Variants in TTC17 observed in about 807,000 individuals in gnomAD.
TTC17 encodes tetratricopeptide repeat protein 17.
Under a neutral mutation model 143.8 loss-of-function variants are expected in TTC17, and 58 were observed. That is an observed-to-expected ratio of 0.40 (90% CI 0.33 to 0.50). TTC17 has a LOEUF of 0.50. TTC17 is among the 20% of genes least tolerant of loss of function. The pLI is 0.49. For synonymous variants in TTC17, 501 were observed against 497.8 expected (o/e 1.01, Z -0.09); for missense variants, 1,273 against 1,392.5 (o/e 0.91, Z 1.37).
At chr11:43,415,625 A>G (rs1158004004) in intron 16 of TTC17, among the ~76,000 whole-genome samples, 2 of 152,178 alleles carry the variant, frequency 1.3e-5, no homozygotes, top group African/African-American at 2.4e-5. Context: ...AAATCCTGAC[A>G]TCCACTTATT....
At chr11:43,489,284 T>C (rs779042114) in intron 21 of TTC17, among the ~76,000 whole-genome samples, 2 of 152,090 alleles carry the variant, frequency 1.3e-5, no homozygotes, top group Non-Finnish European at 2.9e-5. Context: ...GGCTAACAAA[T>C]ATGGAAGAAT....
At chr11:43,372,482 T>TTTTATTTATTTATTTATTTA (rs368350167) in intron 1 of TTC17, among the ~76,000 whole-genome samples, 142 of 145,938 alleles carry the variant, frequency 9.7e-4, no homozygotes, top group African/African-American at 3.2e-3. Flanking sequence ...TATTTTTATT[T>TTTTATTTATTTATTTATTTA]TTTATTTATT....
intron 21 of TTC17, among the ~76,000 whole-genome samples, chr11:43,472,815 G>A (rs943560618): frequency 6.1e-5 from 9 of 148,226 alleles, no homozygotes; most frequent in Non-Finnish European, 1.3e-4. Context: ...TTTACAGTAT[G>A]TGTTCTCACC....
At chr11:43,462,918 A>ATTTTTTTTTTT (rs1369564202) in intron 21 of TTC17, among the ~76,000 whole-genome samples, 2 of 95,314 alleles carry the variant, frequency 2.1e-5, no homozygotes. Flanking sequence ...CAGTGACAAA[A>ATTTTTTTTTTT]TTCTTTTTTT....
chr11:43,424,050 A>C (rs1946966990), intron 16 of TTC17, among the ~76,000 whole-genome samples: 1 of 151,988 alleles, frequency 6.6e-6, no homozygotes, highest in Non-Finnish European at 1.5e-5. Flanking sequence ...ATAACTTTAA[A>C]GCAAATAGGA....
intron 7 of TTC17, 122 bp from the exon 8 acceptor site, chr11:43,397,852 T>G (rs994004483): frequency 1.9e-5 from 26 of 1,355,284 alleles, no homozygotes; most frequent in Middle Eastern, 2.5e-4. Flanking sequence ...CATAAATCAT[T>G]AGAGGATTTG....
chr11:43,404,263 C>T (rs960396114), intron 11 of TTC17, 119 bp downstream of exon 11: 49 of 895,204 alleles, frequency 5.5e-5, no homozygotes, highest in East Asian at 8.4e-5. Flanking sequence ...GTTCAGCAAA[C>T]GTGTAGTACA....
intron 18 of TTC17, among the ~76,000 whole-genome samples, chr11:43,444,722 T>TAC (rs10638143): frequency 0.37 from 53,683 of 143,392 alleles, 10,441 homozygotes; most frequent in East Asian, 0.71. Context: ...ACCAAATACA[T>TAC]ACACACACAC....
chr11:43,435,072 TAA>T (rs1947255285), intron 16 of TTC17: 1 of 145,732 alleles, frequency 6.9e-6, no homozygotes, highest in African/African-American at 2.5e-5. Flanking sequence ...TACACACAGA[TAA>T]GATGATAGAT....
At chr11:43,359,498 A>G (rs1856008060) in intron 1 of TTC17, among the ~76,000 whole-genome samples, 1 of 152,184 alleles carries the variant, frequency 6.6e-6, no homozygotes, top group Non-Finnish European at 1.5e-5. Context: ...CCGAGGAAAT[A>G]GAAAGCAGGT....
chr11:43,447,783 TCTTA>T, intron 18 of TTC17: 2 of 490,918 alleles, frequency 4.1e-6, no homozygotes, highest in East Asian at 3.4e-5. Context: ...ACTCATTTAT[TCTTA>T]CTTCTCCACC....
At chr11:43,440,688 A>G (rs1947397298) in intron 16 of TTC17, among the ~76,000 whole-genome samples, 2 of 152,164 alleles carry the variant, frequency 1.3e-5, no homozygotes, top group South Asian at 4.1e-4. Flanking sequence ...AAACTGATTT[A>G]CTACTCTAAG....
intron 21 of TTC17, among the ~76,000 whole-genome samples, chr11:43,452,507 TAATGAATG>T (rs559203246): frequency 2.0e-4 from 30 of 148,840 alleles, no homozygotes; most frequent in Non-Finnish European, 4.0e-4. Context: ...TCTCAATAAA[TAATGAATG>T]AATGAATGAA....
At chr11:43,403,940 A>G in intron 10 of TTC17, 58 bp from the exon 11 acceptor site, 1 of 1,457,736 alleles carries the variant, frequency 6.9e-7, no homozygotes, top group South Asian at 1.4e-5. Flanking sequence ...GAGTTAAATT[A>G]TAATCACAAC....
At chr11:43,451,154 T>C in intron 20 of TTC17, 28 bp from the exon 21 acceptor site, 1 of 1,606,786 alleles carries the variant, frequency 6.2e-7, no homozygotes, top group Non-Finnish European at 8.5e-7. Flanking sequence ...TTTTCATTCT[T>C]CTAATCTACT....
chr11:43,455,753 C>G (rs1382961884), intron 21 of TTC17, among the ~76,000 whole-genome samples: 1 of 151,992 alleles, frequency 6.6e-6, no homozygotes, highest in Non-Finnish European at 1.5e-5. Flanking sequence ...AAAAAGCACA[C>G]TAGGCCCAGA....
intron 16 of TTC17, among the ~76,000 whole-genome samples, chr11:43,430,750 A>C (rs1036355124): frequency 4.0e-4 from 30 of 75,908 alleles, no homozygotes; most frequent in African/African-American, 1.4e-3. Flanking sequence ...CACACACACA[A>C]AGTTGAAATT....
At chr11:43,430,886 A>G (rs907560320) in intron 16 of TTC17, among the ~76,000 whole-genome samples, 5 of 152,066 alleles carry the variant, frequency 3.3e-5, no homozygotes, top group African/African-American at 1.2e-4. Context: ...TGCTGCACTC[A>G]TCAACCCGTC....
intron 2 of TTC17, among the ~76,000 whole-genome samples, chr11:43,386,295 T>G (rs1436781832): frequency 6.6e-6 from 1 of 152,220 alleles, no homozygotes; most frequent in Non-Finnish European, 1.5e-5. Flanking sequence ...AAATGTGTTG[T>G]TAGGGGATTT....
Sources: gnomAD v4.1 joint callset for allele counts (sites outside exome capture counted in the v4.1 genomes callset) on GRCh38, gnomAD v4.1.1 for gene constraint, MANE v1.5 for transcripts, NCBI Gene and HGNC (gene_info 2026-07-23, HGNC 2026-07-21) for gene names.